MCTP1: variants seen among roughly 807,000 people sequenced by gnomAD.
MCTP1 encodes multiple C2 and transmembrane domain-containing protein 1.
MCTP1 carries 69 observed loss-of-function variants against 120.6 expected under a neutral mutation model. The observed-to-expected ratio is 0.57, with a 90% confidence interval of 0.47 to 0.70. MCTP1 has a LOEUF of 0.70. Among genes scored for constraint, MCTP1 ranks in the 30% least tolerant of loss-of-function variants. MCTP1 has a pLI of 0.00. For synonymous variants in MCTP1, 529 were observed against 493.1 expected (o/e 1.07, Z -0.96); for missense variants, 1,203 against 1,248.8 (o/e 0.96, Z 0.55).
intron 1 of MCTP1, among the ~76,000 whole-genome samples, chr5:95,075,432 T>C (rs1753291520): frequency 6.6e-6 from 1 of 152,232 alleles, no homozygotes; most frequent in African/African-American, 2.4e-5. Flanking sequence ...TCCTTAATTT[T>C]GGTTTATAAA....
chr5:94,942,458 T>C, intron 3 of MCTP1, 31 bp from the exon 4 acceptor site: 4 of 1,475,782 alleles, frequency 2.7e-6, no homozygotes, highest in Non-Finnish European at 3.8e-6. Flanking sequence ...AGCCTTGTTA[T>C]AAATATCTCC....
chr5:95,284,041 C>A lies in MCTP1; in HGVS notation c.535G>T (p.Ala179Ser), dbSNP rs953775872. The A allele has an allele frequency of 4.6e-6, 7 of 1,519,306 alleles. No individual in the cohort carries two copies. Among genetic ancestry groups the A allele is most frequent in the East Asian group, 5.0e-5 (2 of 39,608 alleles). 94.1% of individuals were successfully genotyped at this position (1,519,306 alleles called of 1,614,324 possible). The change falls in exon 1 of 23, where the codon GCC (alanine) becomes TCC (serine). Residue 179 changes from alanine to serine, a missense_variant. Ala to Ser is a moderately conservative substitution (Grantham distance 99, BLOSUM62 1). Around this residue, in one of 2 missense-constraint regions of MCTP1, gnomAD observed 463 missense variants for 377.8 expected, o/e 1.23. Coordinates refer to ENST00000515393, the MANE Select transcript of MCTP1 (RefSeq NM_024717.7). The surrounding 1 kb of genome is among the most constrained non-coding windows in gnomAD (Gnocchi z 5.2). The stretch of plus-strand genomic sequence containing the variant: ...TGACGCCGTGCACCCTCATCTCGGG[C>A]GCGGTCCCCCCTCGGGGGAGGCTGG... Reference protein sequence around the residue: ...SPQPPPRGDRARDEGARRQGP... With the variant: ...SPQPPPRGDRSRDEGARRQGP...
chr5:94,753,007 G>T (rs1458085381), intron 19 of MCTP1, among the ~76,000 whole-genome samples: 1 of 152,204 alleles, frequency 6.6e-6, no homozygotes, highest in Non-Finnish European at 1.5e-5. Context: ...TTTTGATTAG[G>T]AGGGCTATAT....
chr5:94,894,893 A>AATATGTTAAT, intron 10 of MCTP1, 58 bp from the exon 11 acceptor site: 1 of 1,087,470 alleles, frequency 9.2e-7, no homozygotes. Context: ...GCCATATCAA[A>AATATGTTAAT]CAGCTGTTCA....
intron 2 of MCTP1, among the ~76,000 whole-genome samples, chr5:94,996,773 AT>A (rs1306573792): frequency 6.6e-6 from 1 of 152,192 alleles, no homozygotes; most frequent in African/African-American, 2.4e-5. Flanking sequence ...GAGTTTTGAT[AT>A]TAACAGTAGT....
At chr5:94,926,064 CAA>C (rs1813018884) in intron 6 of MCTP1, among the ~76,000 whole-genome samples, 1 of 151,924 alleles carries the variant, frequency 6.6e-6, no homozygotes, top group African/African-American at 2.4e-5. Flanking sequence ...TTTTTTCTAA[CAA>C]ATGCATATAA....
intron 2 of MCTP1, among the ~76,000 whole-genome samples, chr5:94,956,093 C>T (rs1449123941): frequency 6.6e-6 from 1 of 152,236 alleles, no homozygotes; most frequent in Non-Finnish European, 1.5e-5. Flanking sequence ...CTTTGCTGTT[C>T]TGCAGCCTCT....
At chr5:95,231,855 G>C (rs1754986604) in intron 1 of MCTP1, among the ~76,000 whole-genome samples, 1 of 152,084 alleles carries the variant, frequency 6.6e-6, no homozygotes, top group South Asian at 2.1e-4. Context: ...ACTATTGTAA[G>C]GTTCTTATAT....
At chr5:95,199,205 T>C (rs989800206) in intron 1 of MCTP1, among the ~76,000 whole-genome samples, 11 of 152,202 alleles carry the variant, frequency 7.2e-5, no homozygotes, top group African/African-American at 2.4e-4. Flanking sequence ...TATTTTAGTA[T>C]TTTGCTAAAA....
intron 10 of MCTP1, among the ~76,000 whole-genome samples, chr5:94,899,612 G>A (rs1804972241): frequency 6.6e-6 from 1 of 152,216 alleles, no homozygotes; most frequent in Non-Finnish European, 1.5e-5. Flanking sequence ...AAACAATGCA[G>A]AAGTTATCTC....
intron 10 of MCTP1, among the ~76,000 whole-genome samples, chr5:94,905,041 A>G (rs1014852534): frequency 6.6e-6 from 1 of 152,222 alleles, no homozygotes; most frequent in Non-Finnish European, 1.5e-5. Context: ...AAGCAGGTTC[A>G]ATTTTAAATA....
At chr5:94,775,313 G>T (rs1270654705) in intron 19 of MCTP1, among the ~76,000 whole-genome samples, 2 of 152,126 alleles carry the variant, frequency 1.3e-5, no homozygotes, top group Non-Finnish European at 2.9e-5. Flanking sequence ...ACAAGGGTAG[G>T]ATGCACCATG....
Position 95,201,463 on chromosome 5 carries a change from GGTTTTTTTTTTTTTTTTTTTT to G in MCTP1, c.720+82372_720+82392del, listed in dbSNP as rs1751017067. On this transcript the variant is annotated intron_variant, in intron 1 of 22. Coordinates refer to ENST00000515393, the MANE Select transcript of MCTP1 (RefSeq NM_024717.7). Reference sequence around the variant, plus strand: ...AAGGGATAAAATGTAAAGGAAAAGTGGTTTTTTTTTTTTTTTTTTTTTTTTTTTTTTTTTTTTTTTTTTTTT... The same window carrying G: ...AAGGGATAAAATGTAAAGGAAAAGTGTTTTTTTTTTTTTTTTTTTTTTTTT... Among the ~76,000 whole-genome samples the G allele has an allele frequency of 1.4e-4, 17 of 120,682 alleles. 1 individual carries two copies. Among genetic ancestry groups the G allele is most frequent in the Admixed American group, 2.7e-4 (3 of 11,002 alleles). 79.2% of individuals were successfully genotyped at this position (120,682 alleles called of 152,430 possible). A position where few individuals can be genotyped will look rare whatever the true frequency, so the allele number is the denominator to read the frequency against.
rs188126248 is a variant in MCTP1 at position 94,749,599 on chromosome 5, A to G, written c.2610+29511T>C. On this transcript the variant is annotated intron_variant, in intron 19 of 22. Coordinates refer to ENST00000515393, the MANE Select transcript of MCTP1 (RefSeq NM_024717.7). ...GAACCTGGGAAGTGGAGGTTGCAGT[A>G]AGCTGACATCGTGCCACTGCACTCC... 3.6e-3 allele frequency among the ~76,000 whole-genome samples: 491 copies of G among 136,530 alleles called. 5 individuals carry two copies. Among genetic ancestry groups the G allele is most frequent in the South Asian group, 0.012 (47 of 4,034 alleles). The allele number at this position is 136,530 out of a possible 152,430, so 89.6% of individuals were successfully genotyped here.
chr5:94,774,509 T>C (rs1580615993), intron 19 of MCTP1, among the ~76,000 whole-genome samples: 1 of 152,142 alleles, frequency 6.6e-6, no homozygotes, highest in Non-Finnish European at 1.5e-5. Context: ...CCTCCAACTA[T>C]AAGGAACTGA....
intron 1 of MCTP1, among the ~76,000 whole-genome samples, chr5:95,201,181 C>T (rs1488180192): frequency 6.6e-6 from 1 of 152,176 alleles, no homozygotes; most frequent in Non-Finnish European, 1.5e-5. Flanking sequence ...CTGCACTCTT[C>T]TTTGAACTTG....
chr5:95,169,802 C>G (rs933371915), intron 1 of MCTP1, among the ~76,000 whole-genome samples: 2 of 152,116 alleles, frequency 1.3e-5, no homozygotes, highest in African/African-American at 4.8e-5. Flanking sequence ...CTTTATCAGC[C>G]TGGCTAGCAG....
intron 19 of MCTP1, among the ~76,000 whole-genome samples, chr5:94,726,413 T>G (rs1246022570): frequency 6.6e-6 from 1 of 152,234 alleles, no homozygotes. Flanking sequence ...GTAAGCCTCA[T>G]GGCTGAATCA....
Position 95,064,334 on chromosome 5 carries a change from T to C in MCTP1, c.721-46850A>G, listed in dbSNP as rs146270812. 7.7e-3 allele frequency among the ~76,000 whole-genome samples: 1,166 copies of C among 152,368 alleles called. 8 individuals carry two copies. Among genetic ancestry groups the C allele is most frequent in the Non-Finnish European group, 0.014 (928 of 68,024 alleles). On this transcript the variant is annotated intron_variant, in intron 1 of 22. Transcript: ENST00000515393. ...AATCCGTGGAGACTCTTTCTCTGTG[T>C]GCTCATGTATACAGTAGGAGCTATG...
Sources: gnomAD v4.1 joint callset for allele counts (sites outside exome capture counted in the v4.1 genomes callset) on GRCh38, gnomAD v4.1.1 for gene constraint, gnomAD v4.1.1 regional missense constraint, Gnocchi (gnomAD v3.1) non-coding constraint, MANE v1.5 for transcripts, NCBI Gene and HGNC (gene_info 2026-07-23, HGNC 2026-07-21) for gene names.